The following TRHDE variants were observed in gnomAD, a reference collection of about 807,000 sequenced individuals.
TRHDE encodes the protein thyrotropin-releasing hormone-degrading ectoenzyme.
TRHDE carries 72 observed loss-of-function variants against 125.7 expected under a neutral mutation model. The observed-to-expected ratio is 0.57, with a 90% CI of 0.47 to 0.70. TRHDE has a LOEUF of 0.70. Ranked by LOEUF, TRHDE falls within the 30% of genes least tolerant of loss-of-function variation. The pLI, the probability that TRHDE is intolerant of heterozygous loss-of-function variation, is 0.00. For synonymous variants in TRHDE, 509 were observed against 509.1 expected (o/e 1.00, Z 0.00); for missense variants, 1,110 against 1,327.1 (o/e 0.84, Z 2.54).
intron 5 of TRHDE, among the ~76,000 whole-genome samples, chr12:72,479,646 TG>T (rs1322347486): frequency 2.1e-5 from 2 of 93,398 alleles, no homozygotes; most frequent in East Asian, 3.4e-4. Context: ...GATTTTTTTT[TG>T]TTTTTTTTTA....
chr12:72,354,430 G>C (rs1324094659), intron 2 of TRHDE, among the ~76,000 whole-genome samples: 3 of 151,244 alleles, frequency 2.0e-5, no homozygotes, highest in Non-Finnish European at 4.4e-5. Context: ...GTATAGCATA[G>C]CATGATCTTA....
At chr12:72,488,796 G>A (rs1877528300) in intron 5 of TRHDE, among the ~76,000 whole-genome samples, 1 of 151,818 alleles carries the variant, frequency 6.6e-6, no homozygotes, top group Non-Finnish European at 1.5e-5. Flanking sequence ...TGAAATCATA[G>A]ATAGCATCGT....
At chr12:72,272,004 C>A (rs1467767621), upstream of TRHDE, 2 of 456,824 alleles carry the variant, frequency 4.4e-6, no homozygotes, top group Admixed American at 4.7e-5. The surrounding 1 kb of genome is among the most constrained non-coding windows in gnomAD (Gnocchi z 6.7). Flanking sequence ...CGTAGCTTCG[C>A]GGCCCTGGGA....
chr12:72,317,219 T>C (rs1362821929), intron 2 of TRHDE, among the ~76,000 whole-genome samples: 2 of 152,202 alleles, frequency 1.3e-5, no homozygotes, highest in Non-Finnish European at 2.9e-5. Flanking sequence ...ATTCATAGTT[T>C]TTCTACTGCA....
At chr12:72,261,424 G>T (rs1474704887) in intron 2 of TRHDE, among the ~76,000 whole-genome samples, 2 of 152,168 alleles carry the variant, frequency 1.3e-5, no homozygotes, top group Non-Finnish European at 2.9e-5. Context: ...GTGGCTGGCA[G>T]AGACCTATTT....
chr12:72,651,035 G>A (rs907472675), intron 15 of TRHDE, among the ~76,000 whole-genome samples: 1 of 152,064 alleles, frequency 6.6e-6, no homozygotes, highest in Non-Finnish European at 1.5e-5. Context: ...AAGATGTGAA[G>A]CTCTTTAATG....
intron 2 of TRHDE, among the ~76,000 whole-genome samples, chr12:72,363,470 G>A (rs1381130255): frequency 5.9e-5 from 9 of 151,966 alleles, no homozygotes; most frequent in South Asian, 4.2e-4. Flanking sequence ...TTCAATATAC[G>A]CAAATCAATA....
chr12:72,315,880 GAATTATGGTT>G (rs1274251803), intron 2 of TRHDE, among the ~76,000 whole-genome samples: 1 of 152,154 alleles, frequency 6.6e-6, no homozygotes, highest in Non-Finnish European at 1.5e-5. Flanking sequence ...TGTGGCCTTG[GAATTATGGTT>G]ACTTTAAAAG....
At chr12:72,380,889 C>G (rs371150330) in intron 3 of TRHDE, among the ~76,000 whole-genome samples, 1 of 146,526 alleles carries the variant, frequency 6.8e-6, no homozygotes, top group African/African-American at 2.5e-5. Flanking sequence ...TTTCTTTCTT[C>G]CTTCCTTCCT....
At chr12:72,459,596 A>G (rs1876026936) in intron 3 of TRHDE, among the ~76,000 whole-genome samples, 1 of 152,134 alleles carries the variant, frequency 6.6e-6, no homozygotes, top group Non-Finnish European at 1.5e-5. Context: ...TTATTGTTCT[A>G]GCTACAGTAG....
intron 12 of TRHDE, among the ~76,000 whole-genome samples, chr12:72,596,047 T>A (rs1326097893): frequency 6.6e-6 from 1 of 152,174 alleles, no homozygotes; most frequent in African/African-American, 2.4e-5. Context: ...AGTTTTAAAC[T>A]GAGTCCCTTT....
intron 15 of TRHDE, among the ~76,000 whole-genome samples, chr12:72,637,807 AGT>A (rs1873833711): frequency 6.6e-6 from 1 of 151,718 alleles, no homozygotes; most frequent in African/African-American, 2.4e-5. Flanking sequence ...CATGTAGTTG[AGT>A]GGTTTTGAGT....
Position 72,154,951 on chromosome 12 carries a change from A to G in TRHDE, n.279+49199A>G, listed in dbSNP as rs1876467145. Among the ~76,000 whole-genome samples the G allele has an allele frequency of 2.0e-5, 3 of 152,136 alleles. 1 individual carries two copies. Among genetic ancestry groups the G allele is most frequent in the Non-Finnish European group, 4.4e-5 (3 of 68,034 alleles). ...TTTGAATATTGGCCTGCCTTGCTAG[A>G]TTGGGGAAGTTCTCCTGGATAATAT... On this transcript the variant is annotated intron_variant and non_coding_transcript_variant, in intron 2 of 4. Coordinates refer to the TRHDE transcript ENST00000548156.
chr12:72,615,155 A>G (rs1004316582), intron 12 of TRHDE, among the ~76,000 whole-genome samples: 2 of 152,048 alleles, frequency 1.3e-5, no homozygotes, highest in Non-Finnish European at 2.9e-5. Flanking sequence ...ATCATCTCTT[A>G]TGCTCATCCT....
chr12:72,428,010 CATT>C (rs1281792768), intron 3 of TRHDE, among the ~76,000 whole-genome samples: 1 of 152,086 alleles, frequency 6.6e-6, no homozygotes, highest in African/African-American at 2.4e-5. Context: ...AACTCCACAT[CATT>C]GTTAGGCACT....
At chr12:72,291,340 C>T (rs907061611) in intron 2 of TRHDE, among the ~76,000 whole-genome samples, 5 of 152,168 alleles carry the variant, frequency 3.3e-5, no homozygotes, top group African/African-American at 4.8e-5. Flanking sequence ...GTCACTAGCC[C>T]GCAGCAATTC....
intron 7 of TRHDE, among the ~76,000 whole-genome samples, chr12:72,553,914 C>A (rs979723406): frequency 6.7e-6 from 1 of 149,762 alleles, no homozygotes; most frequent in African/African-American, 2.5e-5. Context: ...AATGGTACAA[C>A]CTCAACGCAC....
intron 2 of TRHDE, among the ~76,000 whole-genome samples, chr12:72,194,133 G>A (rs1367089521): frequency 6.6e-6 from 1 of 152,038 alleles, no homozygotes; most frequent in Non-Finnish European, 1.5e-5. Flanking sequence ...TGTGATAGGA[G>A]ATTAAAACTT....
chr12:72,559,120 T>C (rs1319666836), intron 7 of TRHDE, among the ~76,000 whole-genome samples: 8 of 152,200 alleles, frequency 5.3e-5, no homozygotes, highest in Non-Finnish European at 1.2e-4. Flanking sequence ...TGTGCTGTGC[T>C]CTTTCATTAT....
Sources: gnomAD v4.1 joint callset for allele counts (sites outside exome capture counted in the v4.1 genomes callset) on GRCh38, gnomAD v4.1.1 for gene constraint, Gnocchi (gnomAD v3.1) non-coding constraint, MANE v1.5 for transcripts, NCBI Gene and HGNC (gene_info 2026-07-23, HGNC 2026-07-21) for gene names.